Variants in EPHA6 observed in about 807,000 individuals in gnomAD.
EPHA6 encodes the protein EPH receptor A6.
A neutral mutation model predicts 112.0 loss-of-function variants in EPHA6; 50 were observed. The ratio of observed to expected loss-of-function variants is 0.45; its 90% CI spans 0.36 to 0.56. The LOEUF is 0.56. EPHA6 is among the 20% of genes least tolerant of loss of function. The pLI is 0.00. For missense variants in EPHA6, 1,280 were observed against 1,417.4 expected (o/e 0.90, Z 1.56); for synonymous variants, 529 against 490.7 (o/e 1.08, Z -1.03).
At chr3:97,005,924 G>A (rs985484520) in intron 3 of EPHA6, among the ~76,000 whole-genome samples, 3 of 152,102 alleles carry the variant, frequency 2.0e-5, no homozygotes, top group East Asian at 1.9e-4. Context: ...TACATTTATC[G>A]ATTTGGGTAT....
chr3:96,872,672 A>G (rs2036699354), intron 2 of EPHA6, among the ~76,000 whole-genome samples: 1 of 152,058 alleles, frequency 6.6e-6, no homozygotes, highest in Non-Finnish European at 1.5e-5. Flanking sequence ...TATTGCTTGC[A>G]TGGTTTCTGA....
chr3:97,112,777 A>G (rs2047762526), intron 3 of EPHA6, among the ~76,000 whole-genome samples: 1 of 151,634 alleles, frequency 6.6e-6, no homozygotes, highest in Non-Finnish European at 1.5e-5. Flanking sequence ...CTTAATGTAT[A>G]CTCCTTTTAG....
Position 97,437,962 on chromosome 3 carries a change from A to C in EPHA6, c.1732-10606A>C, listed in dbSNP as rs79633594. ...TTCTATCCGTATATTGTTATTACCA[A>C]ATTTATGTGTGATTTTAAAATTCTA... On this transcript the variant is annotated intron_variant, in intron 6 of 17. Coordinates refer to ENST00000389672, the MANE Select transcript of EPHA6 (RefSeq NM_001080448.3). Among the ~76,000 whole-genome samples, 74 of 152,202 alleles carry C rather than the reference A, an allele frequency of 4.9e-4. 5 individuals carry two copies. The East Asian group carries it at 0.014, about 29-fold the overall frequency.
At chr3:96,936,478 C>G (rs2040587842) in intron 2 of EPHA6, among the ~76,000 whole-genome samples, 1 of 151,394 alleles carries the variant, frequency 6.6e-6, no homozygotes, top group Non-Finnish European at 1.5e-5. Context: ...TTTTCAAGCT[C>G]TTTTGTGTAT....
chr3:97,331,219 C>T (rs1039672288), intron 5 of EPHA6, among the ~76,000 whole-genome samples: 7 of 152,088 alleles, frequency 4.6e-5, no homozygotes, highest in East Asian at 1.9e-4. Context: ...ACACAACATA[C>T]CAGAATCTGT....
At chr3:97,720,177 C>G in intron 14 of EPHA6, 84 bp from the exon 15 acceptor site, 2 of 1,233,076 alleles carry the variant, frequency 1.6e-6, no homozygotes, top group Non-Finnish European at 2.2e-6. Context: ...TTAGATCTTT[C>G]TAATAAAAAA....
At chr3:97,000,296 T>TATATAGCCACAC (rs1384512283) in intron 3 of EPHA6, among the ~76,000 whole-genome samples, 1 of 147,348 alleles carries the variant, frequency 6.8e-6, no homozygotes, top group Non-Finnish European at 1.5e-5. Flanking sequence ...CACACACATA[T>TATATAGCCACAC]ATATAGCCAT....
chr3:96,948,005 A>C (rs1402033719), intron 2 of EPHA6, among the ~76,000 whole-genome samples: 1 of 152,164 alleles, frequency 6.6e-6, no homozygotes, highest in Non-Finnish European at 1.5e-5. Context: ...ACTACACTAC[A>C]GGGCTACGAT....
chr3:96,836,828 G>A (rs756579921), intron 1 of EPHA6, among the ~76,000 whole-genome samples: 21 of 152,218 alleles, frequency 1.4e-4, no homozygotes, highest in East Asian at 3.9e-4. Context: ...CTTGTCTTGG[G>A]TTATTAGATT....
intron 11 of EPHA6, among the ~76,000 whole-genome samples, chr3:97,564,900 T>A (rs530781936): frequency 1.3e-5 from 2 of 152,278 alleles, no homozygotes; most frequent in South Asian, 4.1e-4. Flanking sequence ...CTGGCATATA[T>A]GGCACCTCGG....
At chr3:97,619,416 A>G in intron 13 of EPHA6, among the ~76,000 whole-genome samples, 1 of 123,866 alleles carries the variant, frequency 8.1e-6, no homozygotes, top group South Asian at 3.2e-4. Context: ...TATACAGAGC[A>G]ATCAGACAAT....
At chr3:96,935,084 G>C (rs1253799278) in intron 2 of EPHA6, among the ~76,000 whole-genome samples, 1 of 151,718 alleles carries the variant, frequency 6.6e-6, no homozygotes, top group Non-Finnish European at 1.5e-5. Context: ...AGAGCATTTA[G>C]ATTAATGGTT....
At chr3:96,836,264 C>T (rs935847710) in intron 1 of EPHA6, among the ~76,000 whole-genome samples, 2 of 152,024 alleles carry the variant, frequency 1.3e-5, no homozygotes, top group Admixed American at 6.6e-5. Context: ...TTTATTGCTA[C>T]CATGGGGAAA....
intron 2 of EPHA6, among the ~76,000 whole-genome samples, chr3:96,879,391 G>T (rs2037171637): frequency 6.6e-6 from 1 of 152,058 alleles, no homozygotes; most frequent in African/African-American, 2.4e-5. Flanking sequence ...CTCATGTGCA[G>T]AGTCTAGAGA....
intron 11 of EPHA6, among the ~76,000 whole-genome samples, chr3:97,586,689 AGATG>A (rs2093491795): frequency 6.6e-6 from 1 of 151,584 alleles, no homozygotes; most frequent in Non-Finnish European, 1.5e-5. Context: ...GTACTTAGAT[AGATG>A]GATGGATAGA....
intron 3 of EPHA6, among the ~76,000 whole-genome samples, chr3:97,014,641 T>G (rs1298200091): frequency 6.6e-6 from 1 of 152,198 alleles, no homozygotes; most frequent in African/African-American, 2.4e-5. Context: ...TTTAATGATC[T>G]GCCTGTGAAT....
intron 13 of EPHA6, among the ~76,000 whole-genome samples, chr3:97,620,680 C>T (rs577804676): frequency 2.6e-5 from 4 of 152,116 alleles, no homozygotes; most frequent in Admixed American, 2.6e-4. Flanking sequence ...TATCACTGAT[C>T]GTTAGAGAAA....
chr3:97,126,022 A>C (rs573037944), intron 3 of EPHA6, among the ~76,000 whole-genome samples: 1 of 152,324 alleles, frequency 6.6e-6, no homozygotes, highest in African/African-American at 2.4e-5. Context: ...TTCAAGATCA[A>C]ATGGCAAGGA....
chr3:97,411,490 G>A (rs1177870768), intron 6 of EPHA6, among the ~76,000 whole-genome samples: 2 of 152,020 alleles, frequency 1.3e-5, no homozygotes, highest in Non-Finnish European at 2.9e-5. Context: ...TCTATCTTTG[G>A]TTTGGTTTGA....
Sources: allele counts gnomAD v4.1 joint callset (sites outside exome capture counted in the v4.1 genomes callset), GRCh38; gene constraint gnomAD v4.1.1; transcripts MANE v1.5; gene names NCBI Gene and HGNC (gene_info 2026-07-23, HGNC 2026-07-21).